The following ZDHHC13 variants were observed in gnomAD, a reference collection of about 807,000 sequenced individuals.
ZDHHC13 encodes zDHHC palmitoyltransferase 13, also known as palmitoyltransferase ZDHHC13.
In ZDHHC13, 85 loss-of-function variants were observed where a neutral mutation model predicts 86.0. That is an observed-to-expected ratio of 0.99 (90% CI 0.83 to 1.18). The LOEUF is 1.18. Among genes scored for constraint, ZDHHC13 ranks in the 50% most tolerant of loss-of-function variants. The pLI is 0.00. For synonymous variants in ZDHHC13, 263 were observed against 246.4 expected (o/e 1.07, Z -0.63); for missense variants, 711 against 730.2 (o/e 0.97, Z 0.30).
chr11:19,118,781 A>G (rs1848700496), intron 1 of ZDHHC13: 1 of 152,214 alleles, frequency 6.6e-6, no homozygotes, highest in South Asian at 2.1e-4. Flanking sequence ...ATACTTCCCC[A>G]TTTTTGATCC....
At chr11:19,139,220 A>C (rs2133391289) in intron 1 of ZDHHC13, among the ~76,000 whole-genome samples, 1 of 152,148 alleles carries the variant, frequency 6.6e-6, no homozygotes, top group East Asian at 1.9e-4. Flanking sequence ...GCAAAGTCTC[A>C]GGATACAAAA....
intron 9 of ZDHHC13, among the ~76,000 whole-genome samples, chr11:19,157,835 T>A (rs1849800057): frequency 1.3e-5 from 2 of 152,240 alleles, no homozygotes; most frequent in South Asian, 4.1e-4. Flanking sequence ...TATTCATACA[T>A]CCCTTATTTC....
At chr11:19,133,948 T>G (rs1849065761) in intron 1 of ZDHHC13, among the ~76,000 whole-genome samples, 2 of 143,726 alleles carry the variant, frequency 1.4e-5, no homozygotes, top group African/African-American at 2.6e-5. Context: ...TATATACACG[T>G]ATGTGTTTTA....
chr11:19,175,418 G>GT (rs1491136456), intron 16 of ZDHHC13, among the ~76,000 whole-genome samples: 8 of 114,056 alleles, frequency 7.0e-5, no homozygotes, highest in African/African-American at 1.3e-4. Flanking sequence ...AAAAAAAAAA[G>GT]GTTTAGGGAA....
At chr11:19,152,535 C>G (rs1849641057) in intron 7 of ZDHHC13, 24 bp from the exon 8 acceptor site, 1 of 1,564,226 alleles carries the variant, frequency 6.4e-7, no homozygotes, top group Admixed American at 2.0e-5. Context: ...TACTTTTAAA[C>G]TTTTTACCCT....
Position 19,144,378 on chromosome 11 carries a change from G to C in ZDHHC13, c.173+1255G>C, listed in dbSNP as rs74760471. ...TTCTTCAGGTCCTGGACCTTCTCAA[G>C]TGGTTGTCGGGGGACCTGTAGGTAG... On this transcript the variant is annotated intron_variant, in intron 2 of 16. Coordinates refer to ENST00000446113, the MANE Select transcript of ZDHHC13 (RefSeq NM_019028.3). Among the ~76,000 whole-genome samples, 1,038 of 151,996 alleles carry C rather than the reference G, an allele frequency of 6.8e-3. 9 individuals carry two copies. The highest frequency in any genetic ancestry group is 0.024 in the African/African-American group (979 of 41,438).
At chr11:19,170,802 A>G (rs1850201975) in intron 15 of ZDHHC13, among the ~76,000 whole-genome samples, 1 of 152,206 alleles carries the variant, frequency 6.6e-6, no homozygotes, top group Non-Finnish European at 1.5e-5. Flanking sequence ...GGTTAGCATA[A>G]TAAATTATTA....
intron 1 of ZDHHC13, among the ~76,000 whole-genome samples, chr11:19,123,442 C>T (rs1224132742): frequency 6.6e-6 from 1 of 151,772 alleles, no homozygotes; most frequent in Non-Finnish European, 1.5e-5. Flanking sequence ...GTCTGGGCAA[C>T]ATAACGAGAC....
chr11:19,152,229 C>T lies in ZDHHC13; in HGVS notation c.656C>T (p.Thr219Ile), dbSNP rs1307951811. ...GTGGTTGATAAAATACACCAAAACA[C>T]TCCACTTCACTGGGCAGTTGCAGCA... ...LNVVDKIHQN[T>I]PLHWAVAAGN... Residue 219 changes from threonine to isoleucine, a missense_variant, in exon 7 of 17, where the codon ACT (threonine) becomes ATT (isoleucine). Transcript: ENST00000446113. The T allele has an allele frequency of 1.9e-6, 3 of 1,613,402 alleles. No individual in the cohort carries two copies. Among genetic ancestry groups the T allele is most frequent in the Non-Finnish European group, 2.5e-6 (3 of 1,179,524 alleles).
At chr11:19,125,640 G>A (rs748022403) in intron 1 of ZDHHC13, among the ~76,000 whole-genome samples, 2 of 152,134 alleles carry the variant, frequency 1.3e-5, no homozygotes, top group Middle Eastern at 3.2e-3. Flanking sequence ...GTTTGTCCAC[G>A]AATATTTTTA....
rs1554963638 is a variant in ZDHHC13 at position 19,147,781 on chromosome 11, C to CCCCG, written c.374+110_374+111insCGCC. On this transcript the variant is annotated intron_variant, in intron 4 of 16. Coordinates refer to ENST00000446113, the MANE Select transcript of ZDHHC13 (RefSeq NM_019028.3). ...AAAGGCTGTCTTTTCTTCCCCCCCC[C>CCCCG]CCTTTATTTAAAAATAAATTTCAGC... 8 of 745,414 alleles carry CCCCG rather than the reference C, an allele frequency of 1.1e-5. No homozygotes were observed. In the African/African-American group the frequency reaches 1.1e-4, roughly 10 times the overall value. The allele number at this position is 745,414 out of a possible 1,614,324, so 46.2% of individuals were successfully genotyped here. A position where few individuals can be genotyped will look rare whatever the true frequency, so the allele number is the denominator to read the frequency against.
At chr11:19,155,353 G>A (rs1318484107) in intron 8 of ZDHHC13, among the ~76,000 whole-genome samples, 1 of 152,086 alleles carries the variant, frequency 6.6e-6, no homozygotes, top group Admixed American at 6.6e-5. Flanking sequence ...GGCCGAGGCA[G>A]GTGGATCGCC....
rs1849367875 is a variant in ZDHHC13, at chr11:19,143,094, T to C, written c.144T>C (p.Ser48=). The C allele has an allele frequency of 6.2e-7, 1 of 1,613,254 alleles. No homozygotes were observed. Among genetic ancestry groups the C allele is most frequent in the South Asian group, 1.1e-5 (1 of 91,000 alleles). Residue 48 remains serine (S), a synonymous_variant, in exon 2 of 17, where the codon TCT becomes TCC. Coordinates refer to ENST00000446113, the MANE Select transcript of ZDHHC13 (RefSeq NM_019028.3). The part of the protein sequence containing the change: ...AREALPLIED[S]SNCDIVKATQ... The stretch of plus-strand genomic sequence containing the variant: ...AAGCTCTTCCTCTTATAGAGGACTC[T>C]AGTAACTGTGACATTGTCAAAGCTA...
intron 9 of ZDHHC13, 85 bp downstream of exon 9, chr11:19,156,014 A>G: frequency 6.9e-7 from 1 of 1,440,924 alleles, no homozygotes; most frequent in South Asian, 1.4e-5. Context: ...GGAGTCACAG[A>G]TTTTTATCAT....
At chr11:19,131,755 T>C (rs1328358341) in intron 1 of ZDHHC13, among the ~76,000 whole-genome samples, 1 of 152,078 alleles carries the variant, frequency 6.6e-6, no homozygotes, top group Non-Finnish European at 1.5e-5. Context: ...TGCCTCAGTC[T>C]CTCGAGCAGC....
intron 3 of ZDHHC13, 131 bp downstream of exon 3, chr11:19,146,434 C>CCA (rs1461517436): frequency 8.3e-6 from 9 of 1,080,612 alleles, no homozygotes; most frequent in African/African-American, 8.1e-5. Context: ...ACTTTTTCTG[C>CCA]CACACACGTT....
chr11:19,154,719 C>CCCCTTCTCGAAACTCTCTTCCCTGGATT (rs1849709770), intron 8 of ZDHHC13, among the ~76,000 whole-genome samples: 1 of 152,148 alleles, frequency 6.6e-6, no homozygotes. Context: ...TGAGAACATC[C>CCCCTTCTCGAAACTCTCTTCCCTGGATT]CCCTTCTCGA....
chr11:19,158,907 A>G (rs1554964867), intron 9 of ZDHHC13, 33 bp from the exon 10 acceptor site: 3 of 1,350,482 alleles, frequency 2.2e-6, no homozygotes, highest in Non-Finnish European at 3.0e-6. Flanking sequence ...TACAAGTCAT[A>G]CTAATAACTT....
At chr11:19,144,230 T>G (rs1849397600) in intron 2 of ZDHHC13, among the ~76,000 whole-genome samples, 1 of 152,318 alleles carries the variant, frequency 6.6e-6, no homozygotes, top group African/African-American at 2.4e-5. Context: ...TTGCTTTAAT[T>G]AGGATGCAAA....
Sources: allele counts gnomAD v4.1 joint callset (sites outside exome capture counted in the v4.1 genomes callset), GRCh38; gene constraint gnomAD v4.1.1; transcripts MANE v1.5; gene names NCBI Gene and HGNC (gene_info 2026-07-23, HGNC 2026-07-21).